The following RBFOX1 variants were observed in gnomAD, a reference collection of about 807,000 sequenced individuals.
RBFOX1 encodes RNA binding fox-1 homolog 1.
In RBFOX1, 8 loss-of-function variants were observed where a neutral mutation model predicts 57.7. The ratio of observed to expected loss-of-function variants is 0.14; its 90% confidence interval spans 0.08 to 0.25. The LOEUF is 0.25. Ranked by LOEUF, RBFOX1 falls within the 10% of genes least tolerant of loss-of-function variation. RBFOX1 has a pLI of 1.00. For synonymous variants in RBFOX1, 326 were observed against 222.4 expected, an observed-to-expected ratio of 1.47 and a Z score of -4.15; for missense variants, 611 against 548.5, an observed-to-expected ratio of 1.11 and a Z score of -1.14.
intron 4 of RBFOX1, among the ~76,000 whole-genome samples, chr16:7,291,701 G>T (rs2141577156): frequency 6.6e-6 from 1 of 151,964 alleles, no homozygotes; most frequent in East Asian, 1.9e-4. Flanking sequence ...CATGCAGGAG[G>T]CTGTCTGAAG....
chr16:7,316,029 A>G (rs1290223662), intron 4 of RBFOX1, among the ~76,000 whole-genome samples: 1 of 152,214 alleles, frequency 6.6e-6, no homozygotes, highest in Non-Finnish European at 1.5e-5. Flanking sequence ...ATTCACCCAA[A>G]CAAACATCCC....
chr16:6,806,380 T>C (rs1468539105), intron 3 of RBFOX1, among the ~76,000 whole-genome samples: 1 of 152,150 alleles, frequency 6.6e-6, no homozygotes, highest in African/African-American at 2.4e-5. Flanking sequence ...AACTGGTCTG[T>C]AATAAGGAAA....
chr16:6,209,254 G>A (rs117002902), intron 1 of RBFOX1, among the ~76,000 whole-genome samples: 65 of 152,272 alleles, frequency 4.3e-4, no homozygotes, highest in East Asian at 3.3e-3. Flanking sequence ...CAGGGAAGAG[G>A]GGCCACGTTT....
At chr16:5,816,519 G>A (rs1333767513) in intron 3 of RBFOX1, among the ~76,000 whole-genome samples, 1 of 152,124 alleles carries the variant, frequency 6.6e-6, no homozygotes, top group Non-Finnish European at 1.5e-5. Flanking sequence ...CAATTATTAT[G>A]CCTGGCCAGG....
chr16:7,242,756 C>G lies in RBFOX1; in HGVS notation c.27+190658C>G, dbSNP rs185256174. On this transcript the variant is annotated intron_variant, in intron 4 of 15. Transcript: ENST00000550418. ...CACGTGCATGATGGGTTGGGTTGGA[C>G]TAACTAGTTGTCTGCAAGAACTGGC... 2.6e-5 allele frequency among the ~76,000 whole-genome samples: 4 copies of G among 152,332 alleles called. No individual in the cohort carries two copies. The East Asian group carries it at 5.8e-4, about 22-fold the overall frequency.
At chr16:6,062,385 G>A (rs2095699018) in intron 1 of RBFOX1, among the ~76,000 whole-genome samples, 1 of 151,882 alleles carries the variant, frequency 6.6e-6, no homozygotes, top group African/African-American at 2.4e-5. Context: ...CCCCCATCCT[G>A]AGGCTATCCA....
chr16:7,710,649 C>T lies in RBFOX1; in HGVS notation c.1098C>T (p.Ala366=). The change falls in exon 16 of 16, where the codon GCC becomes GCT. Residue 366 remains alanine, a synonymous_variant. Transcript: ENST00000550418. ...AMNAFAPLTD[A]KTRSHADDVG... The stretch of plus-strand genomic sequence containing the variant: ...ATGCTTTTGCACCTTTGACTGATGC[C>T]AAGACTAGGAGCCATGCTGATGATG... The T allele has an allele frequency of 6.2e-7, 1 of 1,613,104 alleles. No homozygotes were observed. The highest frequency in any genetic ancestry group is 8.5e-7 in the Non-Finnish European group (1 of 1,179,674).
At chr16:7,229,173 T>A (rs546546182) in intron 4 of RBFOX1, among the ~76,000 whole-genome samples, 1 of 152,340 alleles carries the variant, frequency 6.6e-6, no homozygotes, top group South Asian at 2.1e-4. Flanking sequence ...CGCAGATATT[T>A]CTTTCATGCT....
At chr16:6,207,903 T>C (rs568425363) in intron 1 of RBFOX1, among the ~76,000 whole-genome samples, 4 of 152,250 alleles carry the variant, frequency 2.6e-5, no homozygotes, top group East Asian at 1.9e-4. Context: ...GGCTGAGTGA[T>C]GAAATTTTAA....
At chr16:5,662,000 G>A (rs1030591087) in intron 3 of RBFOX1, among the ~76,000 whole-genome samples, 9 of 152,060 alleles carry the variant, frequency 5.9e-5, no homozygotes, top group Non-Finnish European at 4.4e-5. Flanking sequence ...TGTTAGCAGG[G>A]TGGTCTCCAT....
chr16:5,794,606 T>C (rs1218756717), intron 3 of RBFOX1, among the ~76,000 whole-genome samples: 1 of 152,066 alleles, frequency 6.6e-6, no homozygotes, highest in Non-Finnish European at 1.5e-5. Context: ...TGTCAAGGCA[T>C]GTGGTGAGCA....
At chr16:5,661,900 T>C (rs2049664236) in intron 3 of RBFOX1, among the ~76,000 whole-genome samples, 2 of 152,038 alleles carry the variant, frequency 1.3e-5, no homozygotes, top group Non-Finnish European at 2.9e-5. Context: ...ATTCTCCTGC[T>C]GCAGCTGCCC....
chr16:6,870,759 C>G (rs546805794), intron 3 of RBFOX1, among the ~76,000 whole-genome samples: 1 of 152,192 alleles, frequency 6.6e-6, no homozygotes, highest in Non-Finnish European at 1.5e-5. Context: ...ACCCCAGCCC[C>G]TCAACAAACT....
At chr16:6,934,891 G>A (rs755215400) in intron 3 of RBFOX1, among the ~76,000 whole-genome samples, 5 of 152,050 alleles carry the variant, frequency 3.3e-5, no homozygotes, top group Admixed American at 6.5e-5. Context: ...TTTGAGACTA[G>A]CCTAGGCAAC....
chr16:7,407,058 G>T (rs2098355422), intron 4 of RBFOX1, among the ~76,000 whole-genome samples: 1 of 152,124 alleles, frequency 6.6e-6, no homozygotes, highest in South Asian at 2.1e-4. Context: ...TCGAGACCCT[G>T]ATCTTAATGT....
chr16:7,196,334 C>G (rs867953549), intron 4 of RBFOX1, among the ~76,000 whole-genome samples: 1 of 152,174 alleles, frequency 6.6e-6, no homozygotes, highest in Admixed American at 6.5e-5. Context: ...GGGAATTTCT[C>G]CTTCAACTTT....
intron 4 of RBFOX1, among the ~76,000 whole-genome samples, chr16:7,202,523 G>T (rs2088843675): frequency 6.6e-6 from 1 of 152,204 alleles, no homozygotes; most frequent in South Asian, 2.1e-4. Context: ...CCCAGTCCCT[G>T]GGTCATGTAG....
At chr16:5,551,850 C>G (rs1007191689) in intron 2 of RBFOX1, among the ~76,000 whole-genome samples, 60 of 144,792 alleles carry the variant, frequency 4.1e-4, no homozygotes, top group African/African-American at 1.5e-3. Flanking sequence ...TCCATGTGTT[C>G]TCGTTGTTCA....
At position 5,248,107 on chromosome 16, in the gene RBFOX1, A is replaced by C. The variant is rs551297938; in HGVS notation, c.219+8002A>C. 3.4e-3 allele frequency among the ~76,000 whole-genome samples: 523 copies of C among 152,338 alleles called. 7 individuals are homozygous for C. The South Asian group carries it at 0.035, about 10-fold the overall frequency. ...TCACCTCGCACAGCTTACAAAACCC[A>C]GTGAGGCCGGCTGTCTTGGCGCTGC... On this transcript the variant is annotated intron_variant, in intron 1 of 2. Coordinates refer to the RBFOX1 transcript ENST00000585867.
Sources: gnomAD v4.1 joint callset for allele counts (sites outside exome capture counted in the v4.1 genomes callset) on GRCh38, gnomAD v4.1.1 for gene constraint, MANE v1.5 for transcripts, NCBI Gene and HGNC (gene_info 2026-07-23, HGNC 2026-07-21) for gene names.